EYS: variants seen among roughly 807,000 people sequenced by gnomAD.
The protein encoded by EYS is protein eyes shut homolog.
In EYS, 250 loss-of-function variants were observed where a neutral mutation model predicts 282.1. The ratio of observed to expected loss-of-function variants is 0.89; its 90% CI spans 0.80 to 0.98. The LOEUF (loss-of-function observed/expected upper bound fraction) is 0.98, where lower values mean the gene tolerates loss of function less well. EYS is among the 50% of genes least tolerant of loss of function. The probability of loss-of-function intolerance (pLI) is 0.00; values close to 1 mark genes in which losing one functional copy is unlikely to be tolerated. For synonymous variants in EYS, 1,355 were observed against 1,282.9 expected (o/e 1.06, Z -1.20); for missense variants, 4,016 against 3,709.0 (o/e 1.08, Z -2.15).
intron 12 of EYS, among the ~76,000 whole-genome samples, chr6:65,070,787 G>T (rs1389891198): frequency 1.3e-5 from 2 of 151,606 alleles, no homozygotes; most frequent in Admixed American, 6.6e-5. Context: ...TAAGTTTACT[G>T]GTCTGTATCT....
intron 35 of EYS, among the ~76,000 whole-genome samples, chr6:63,969,555 C>T (rs1766459532): frequency 6.6e-6 from 1 of 152,162 alleles, no homozygotes. Flanking sequence ...TCAAGCAGTA[C>T]TATTAGGACT....
chr6:64,306,836 A>G, intron 30 of EYS, 134 bp downstream of exon 30: 7 of 612,824 alleles, frequency 1.1e-5, no homozygotes, highest in Non-Finnish European at 2.0e-5. Context: ...AGTGAAGTAG[A>G]ACGTAGGAAT....
intron 26 of EYS, among the ~76,000 whole-genome samples, chr6:64,556,779 T>G (rs1157833787): frequency 6.6e-6 from 1 of 151,764 alleles, no homozygotes; most frequent in Non-Finnish European, 1.5e-5. Flanking sequence ...TTACAAAACC[T>G]TTTCAGAATT....
At chr6:63,887,504 G>T (rs1187352111) in intron 35 of EYS, among the ~76,000 whole-genome samples, 1 of 152,000 alleles carries the variant, frequency 6.6e-6, no homozygotes, top group Non-Finnish European at 1.5e-5. Flanking sequence ...AGCCCACAGA[G>T]GGTGGGCAGA....
intron 7 of EYS, among the ~76,000 whole-genome samples, chr6:65,393,219 G>A (rs1766127079): frequency 6.6e-6 from 1 of 152,084 alleles, no homozygotes; most frequent in South Asian, 2.1e-4. Context: ...TATACCTAAT[G>A]CTAGATGATG....
intron 35 of EYS, among the ~76,000 whole-genome samples, chr6:63,956,556 G>A (rs891267423): frequency 7.9e-5 from 12 of 152,076 alleles, no homozygotes; most frequent in Non-Finnish European, 1.2e-4. Context: ...CCCATAGAAC[G>A]TTTGGTGGGT....
chr6:63,750,003 G>A (rs980322954), intron 41 of EYS, among the ~76,000 whole-genome samples: 1 of 152,170 alleles, frequency 6.6e-6, no homozygotes, highest in Non-Finnish European at 1.5e-5. Context: ...TTTCAAGTTT[G>A]CCAATTCCTT....
intron 30 of EYS, 107 bp downstream of exon 30, chr6:64,306,859 CAAAG>C (rs1311207527): frequency 4.6e-6 from 3 of 652,170 alleles, no homozygotes; most frequent in Middle Eastern, 4.0e-4. Flanking sequence ...GAAGCAAAAA[CAAAG>C]AAACGAAATA....
chr6:64,717,497 G>A (rs1240737539), intron 22 of EYS, among the ~76,000 whole-genome samples: 1 of 152,124 alleles, frequency 6.6e-6, no homozygotes, highest in East Asian at 1.9e-4. Context: ...TCTGACAGAA[G>A]GCAAAGCTCA....
At chr6:64,526,443 T>A (rs1777922581) in intron 26 of EYS, among the ~76,000 whole-genome samples, 1 of 151,810 alleles carries the variant, frequency 6.6e-6, no homozygotes, top group Admixed American at 6.6e-5. Flanking sequence ...ATTTTAAAAT[T>A]AAATAGACCT....
At chr6:65,195,441 AAC>A (rs1765741165) in intron 12 of EYS, among the ~76,000 whole-genome samples, 1 of 152,030 alleles carries the variant, frequency 6.6e-6, no homozygotes, top group South Asian at 2.1e-4. Flanking sequence ...ATACTGTTTT[AAC>A]TTAAAAACAA....
At chr6:64,616,134 T>A (rs1767267276) in intron 24 of EYS, among the ~76,000 whole-genome samples, 1 of 152,152 alleles carries the variant, frequency 6.6e-6, no homozygotes, top group Non-Finnish European at 1.5e-5. Flanking sequence ...ATTTTCTAAG[T>A]TATTTAGATT....
At chr6:64,805,287 T>A (rs1050600626) in intron 22 of EYS, among the ~76,000 whole-genome samples, 1 of 152,026 alleles carries the variant, frequency 6.6e-6, no homozygotes, top group Admixed American at 6.6e-5. Context: ...TTGAACTTGA[T>A]GCTGTTGAGC....
At chr6:64,840,889 C>T (rs1018062) in intron 19 of EYS, among the ~76,000 whole-genome samples, 84,572 of 151,794 alleles carry the variant, frequency 0.56, 24,282 homozygotes, top group Non-Finnish European at 0.62. Flanking sequence ...GTTATTTAGT[C>T]AGACTAGCCA....
intron 35 of EYS, among the ~76,000 whole-genome samples, chr6:63,981,245 T>C (rs1767076150): frequency 6.6e-6 from 1 of 151,630 alleles, no homozygotes; most frequent in Non-Finnish European, 1.5e-5. Context: ...TAGGGTTGGG[T>C]ATTGGTGGGA....
intron 30 of EYS, among the ~76,000 whole-genome samples, chr6:64,291,052 G>T (rs534249177): frequency 5.5e-4 from 16 of 29,280 alleles, no homozygotes; most frequent in African/African-American, 9.2e-4. Flanking sequence ...TTACGGAGCG[G>T]GTATATAAGC....
intron 22 of EYS, among the ~76,000 whole-genome samples, chr6:64,756,614 C>T (rs1772944849): frequency 6.6e-6 from 1 of 152,158 alleles, no homozygotes; most frequent in Admixed American, 6.5e-5. Flanking sequence ...ATATCTCCAA[C>T]TTGTCTTTAA....
chr6:64,597,622 C>A (rs1224361929), intron 24 of EYS, among the ~76,000 whole-genome samples: 4 of 151,266 alleles, frequency 2.6e-5, no homozygotes, highest in Non-Finnish European at 5.9e-5. Flanking sequence ...AGACAAATAC[C>A]CACATGTTCT....
At chr6:64,251,591 A>G (rs1293136557) in intron 30 of EYS, among the ~76,000 whole-genome samples, 1 of 152,202 alleles carries the variant, frequency 6.6e-6, no homozygotes, top group East Asian at 1.9e-4. Flanking sequence ...GCAAGCAGCT[A>G]TGTGGTTCTC....
Sources: gnomAD v4.1 joint callset for allele counts (sites outside exome capture counted in the v4.1 genomes callset) on GRCh38, gnomAD v4.1.1 for gene constraint, MANE v1.5 for transcripts, NCBI Gene and HGNC (gene_info 2026-07-23, HGNC 2026-07-21) for gene names.